The following IL4R variants were observed in gnomAD, a reference collection of about 807,000 sequenced individuals.
The protein encoded by IL4R is interleukin 4 receptor, also known as interleukin-4 receptor subunit alpha.
IL4R carries 17 observed loss-of-function variants against 41.5 expected under a neutral mutation model. The observed-to-expected ratio is 0.41, with a 90% CI of 0.28 to 0.61. The LOEUF is 0.61. Among genes scored for constraint, IL4R ranks in the 20% least tolerant of loss-of-function variants. The probability of loss-of-function intolerance (pLI) is 0.31; values close to 1 mark genes in which losing one functional copy is unlikely to be tolerated. For missense variants in IL4R, 974 were observed against 1,043.1 expected, an observed-to-expected ratio of 0.93 and a Z score of 0.91; for synonymous variants, 402 against 422.9, an observed-to-expected ratio of 0.95 and a Z score of 0.61.
At position 27,339,969 on chromosome 16, in the gene IL4R, A is replaced by T. The variant is rs145158642; in HGVS notation, c.-18-217A>T. On this transcript the variant is annotated intron_variant, in intron 2 of 10. Coordinates refer to ENST00000395762, the MANE Select transcript of IL4R (RefSeq NM_000418.4). Reference sequence around the variant, plus strand: ...CTACTCGGGAGGCTGAGGCAGAAGAATCGCTTGAACCCGGGAGGTGGAGGT... The same window carrying T: ...CTACTCGGGAGGCTGAGGCAGAAGATTCGCTTGAACCCGGGAGGTGGAGGT... Among the ~76,000 whole-genome samples the T allele has an allele frequency of 7.9e-5, 12 of 152,288 alleles. No individual in the cohort carries two copies. In the East Asian group the frequency reaches 2.3e-3, roughly 29 times the overall value.
intron 1 of IL4R, among the ~76,000 whole-genome samples, chr16:27,320,134 T>G (rs972058331): frequency 9.2e-5 from 14 of 152,262 alleles, no homozygotes; most frequent in African/African-American, 3.1e-4. Context: ...CCCAAAGTGC[T>G]GGGATTACAG....
intron 9 of IL4R, 79 bp from the exon 10 acceptor site, chr16:27,360,687 C>T: frequency 1.9e-6 from 3 of 1,564,570 alleles, no homozygotes; most frequent in African/African-American, 1.4e-5. Flanking sequence ...GAGGCTTGTA[C>T]CCCTTCCTGA....
At chr16:27,340,310 A>G in intron 3 of IL4R, 37 bp downstream of exon 3, 2 of 1,535,116 alleles carry the variant, frequency 1.3e-6, no homozygotes, top group South Asian at 1.1e-5. Flanking sequence ...TTTGTTGGCT[A>G]TTAATGGCGT....
intron 2 of IL4R, among the ~76,000 whole-genome samples, chr16:27,335,901 G>A (rs955449892): frequency 3.3e-5 from 5 of 152,124 alleles, no homozygotes; most frequent in Non-Finnish European, 7.4e-5. Flanking sequence ...AGGGGCCGTG[G>A]ATGAGATAGT....
intron 10 of IL4R, among the ~76,000 whole-genome samples, chr16:27,361,271 TGATACTACAGATGTGCATTACCAC>T (rs947228059): frequency 1.3e-5 from 2 of 152,028 alleles, no homozygotes; most frequent in Admixed American, 1.3e-4. Flanking sequence ...CCCGAGTAGC[TGATACTACAGATGTGCATTACCAC>T]GCCTGGCTAT....
At chr16:27,339,375 AAGC>A (rs2085365803) in intron 2 of IL4R, among the ~76,000 whole-genome samples, 1 of 152,074 alleles carries the variant, frequency 6.6e-6, no homozygotes, top group Non-Finnish European at 1.5e-5. Flanking sequence ...TATATGGACT[AAGC>A]TGACTTGTAA....
At chr16:27,330,955 C>T (rs2085097850) in intron 2 of IL4R, among the ~76,000 whole-genome samples, 1 of 151,820 alleles carries the variant, frequency 6.6e-6, no homozygotes. Context: ...TGTGAGCTGG[C>T]CCTGGTCTCA....
intron 1 of IL4R, among the ~76,000 whole-genome samples, chr16:27,329,657 A>G (rs1197439452): frequency 1.3e-5 from 2 of 148,964 alleles, no homozygotes; most frequent in Non-Finnish European, 3.0e-5. Context: ...AGCTTGGGGA[A>G]CAGAGCAAAC....
At chr16:27,338,147 G>T (rs2085318550) in intron 2 of IL4R, among the ~76,000 whole-genome samples, 1 of 149,104 alleles carries the variant, frequency 6.7e-6, no homozygotes, top group Admixed American at 6.7e-5. Context: ...AGTAGAGACA[G>T]GGTTTCACTA....
intron 3 of IL4R, 197 bp from the exon 4 acceptor site, chr16:27,341,924 T>C: frequency 1.7e-6 from 1 of 576,228 alleles, no homozygotes; most frequent in Non-Finnish European, 3.0e-6. Flanking sequence ...CATGGGTATT[T>C]CTTCAGCTTC....
intron 1 of IL4R, among the ~76,000 whole-genome samples, chr16:27,319,549 G>A (rs576630616): frequency 6.6e-6 from 1 of 152,332 alleles, no homozygotes; most frequent in South Asian, 2.1e-4. Context: ...CATCTGCCCA[G>A]AAATACTGTG....
intron 1 of IL4R, 147 bp from the exon 2 acceptor site, chr16:27,329,919 A>G (rs1425747329): frequency 6.6e-6 from 1 of 151,938 alleles, no homozygotes; most frequent in Non-Finnish European, 1.5e-5. Flanking sequence ...AAATGCTTGG[A>G]AAAGGGAGAG....
intron 2 of IL4R, among the ~76,000 whole-genome samples, chr16:27,333,447 G>A (rs1464244391): frequency 6.6e-6 from 1 of 152,044 alleles, no homozygotes; most frequent in East Asian, 1.9e-4. Flanking sequence ...GGTGGGCTCG[G>A]AAGCAAACAA....
At chr16:27,330,656 A>G (rs1310386059) in intron 2 of IL4R, among the ~76,000 whole-genome samples, 2 of 152,114 alleles carry the variant, frequency 1.3e-5, no homozygotes, top group Non-Finnish European at 2.9e-5. Context: ...CAGTTCTATC[A>G]TCACAAGGAT....
At chr16:27,354,786 A>T (rs756807637) in intron 7 of IL4R, among the ~76,000 whole-genome samples, 5 of 152,246 alleles carry the variant, frequency 3.3e-5, no homozygotes, top group Admixed American at 6.5e-5. Context: ...GCCACCGCAC[A>T]GCCCTCTCAG....
At chr16:27,340,928 T>G in intron 3 of IL4R, 2 of 378,104 alleles carry the variant, frequency 5.3e-6, no homozygotes, top group South Asian at 2.2e-5. Context: ...GGCGGGAGGG[T>G]TGAGCACAGG....
rs1209657416 is a variant in IL4R at position 27,363,379 on chromosome 16, A to G, written c.2027A>G (p.Glu676Gly). 6.2e-7 allele frequency: 1 copy of G among 1,614,122 alleles called. No individual in the cohort carries two copies. Among genetic ancestry groups the G allele is most frequent in the South Asian group, 1.1e-5 (1 of 91,078 alleles). ...TCACATCTCCCAAGCAGCTCCCCAG[A>G]GCACCTGGGTCTGGAGCCGGGGGAA... The part of the protein sequence containing the change: ...QSSHLPSSSP[E>G]HLGLEPGEKV... Residue 676 changes from glutamate to glycine, a missense_variant, in exon 11 of 11, where the codon GAG (glutamate) becomes GGG (glycine). This residue lies in a region of IL4R where 682 missense variants were observed against 704.3 expected (regional missense o/e 0.97). Coordinates refer to ENST00000395762, the MANE Select transcript of IL4R (RefSeq NM_000418.4).
At chr16:27,325,182 C>T (rs1312264968) in intron 1 of IL4R, among the ~76,000 whole-genome samples, 4 of 150,980 alleles carry the variant, frequency 2.6e-5, no homozygotes, top group Admixed American at 6.6e-5. Flanking sequence ...CCAAGGGCCC[C>T]GCTTGTAGGG....
At chr16:27,343,843 G>C (rs958909560) in intron 4 of IL4R, among the ~76,000 whole-genome samples, 1 of 152,108 alleles carries the variant, frequency 6.6e-6, no homozygotes, top group African/African-American at 2.4e-5. Context: ...ATGTACCATG[G>C]AATAACAGAC....
Sources: allele counts gnomAD v4.1 joint callset (sites outside exome capture counted in the v4.1 genomes callset), GRCh38; gene constraint gnomAD v4.1.1; regional missense constraint gnomAD v4.1.1; transcripts MANE v1.5; gene names NCBI Gene and HGNC (gene_info 2026-07-23, HGNC 2026-07-21).